ARHGEF6: variants seen among roughly 807,000 people sequenced by gnomAD.
The protein encoded by ARHGEF6 is Rac/Cdc42 guanine nucleotide exchange factor 6.
ARHGEF6 carries 9 observed loss-of-function variants against 70.3 expected under a neutral mutation model. The ratio of observed to expected loss-of-function variants is 0.13; its 90% CI spans 0.08 to 0.22. The LOEUF is 0.22. Ranked by LOEUF, ARHGEF6 falls within the 10% of genes least tolerant of loss-of-function variation. The probability of loss-of-function intolerance (pLI) is 1.00; values close to 1 mark genes in which losing one functional copy is unlikely to be tolerated. For synonymous variants in ARHGEF6, 201 were observed against 207.8 expected (o/e 0.97, Z 0.28); for missense variants, 470 against 563.0 (o/e 0.83, Z 1.67).
Position 136,667,860 on chromosome X carries a change from G to T in ARHGEF6, c.*169C>A. The T allele has an allele frequency of 3.1e-6, 2 of 643,915 alleles. No homozygotes were observed. Among genetic ancestry groups the T allele is most frequent in the Non-Finnish European group, 4.8e-6 (2 of 415,615 alleles). The allele number at this position is 643,915 out of a possible 1,213,427, so 53.1% of individuals were successfully genotyped here. On this transcript the variant is annotated 3_prime_UTR_variant, in exon 22 of 22. Transcript: ENST00000250617. The stretch of plus-strand genomic sequence containing the variant: ...CAAATGCCCAAGCGCGCACGTGCAC[G>T]CACACACATATGCACACAGCGGGGA...
At chrX:136,689,450 C>G (rs1236548062) in intron 10 of ARHGEF6, among the ~76,000 whole-genome samples, 2 of 112,009 alleles carry the variant, frequency 1.8e-5, no homozygotes, top group Admixed American at 9.4e-5. Context: ...GAAACTGAGG[C>G]CACTCGTTTC....
chrX:136,740,632 C>T (rs989141132), intron 5 of ARHGEF6, among the ~76,000 whole-genome samples: 1 of 110,918 alleles, frequency 9.0e-6, no homozygotes, highest in Non-Finnish European at 1.9e-5. Flanking sequence ...AATGAAGGCC[C>T]CTAAGACCAG....
At chrX:136,702,202 G>T (rs2040167327) in intron 9 of ARHGEF6, among the ~76,000 whole-genome samples, 1 of 111,659 alleles carries the variant, frequency 9.0e-6, no homozygotes, top group African/African-American at 3.3e-5. Context: ...AGTGTTGTTA[G>T]ATTTAGCTGT....
At chrX:136,688,716 T>C (rs767653734) in intron 10 of ARHGEF6, among the ~76,000 whole-genome samples, 30 of 111,748 alleles carry the variant, frequency 2.7e-4, no homozygotes, top group Non-Finnish European at 5.1e-4. Context: ...TCAATCTAAT[T>C]CCATTTCCTA....
At chrX:136,669,864 G>A (rs1490296751) in intron 20 of ARHGEF6, among the ~76,000 whole-genome samples, 1 of 112,192 alleles carries the variant, frequency 8.9e-6, no homozygotes, top group East Asian at 2.8e-4. Flanking sequence ...GCTTTGTTGA[G>A]GGATAATTGA....
intron 4 of ARHGEF6, among the ~76,000 whole-genome samples, 185 bp downstream of exon 4, chrX:136,745,038 C>G (rs765598905): frequency 9.0e-6 from 1 of 111,619 alleles, no homozygotes; most frequent in Non-Finnish European, 1.9e-5. Flanking sequence ...GGATTTTTGC[C>G]CCACCACATG....
At chrX:136,677,346 C>T (rs768546200) in intron 17 of ARHGEF6, among the ~76,000 whole-genome samples, 4 of 111,976 alleles carry the variant, frequency 3.6e-5, no homozygotes, top group African/African-American at 9.7e-5. Context: ...ACTTAACTAT[C>T]CATATATAAA....
chrX:136,773,783 A>G (rs2077380668), intron 2 of ARHGEF6, among the ~76,000 whole-genome samples: 2 of 112,099 alleles, frequency 1.8e-5, no homozygotes, highest in Non-Finnish European at 3.8e-5. Flanking sequence ...TCCCAGAGTT[A>G]TGCAGCCAGT....
At chrX:136,731,464 T>C (rs1208247999) in intron 6 of ARHGEF6, among the ~76,000 whole-genome samples, 1 of 111,849 alleles carries the variant, frequency 8.9e-6, no homozygotes, top group Admixed American at 9.5e-5. Context: ...CTAGGCCAAG[T>C]CTGGAAAGGA....
Position 136,743,681 on chromosome X carries a change from C to T in ARHGEF6, c.565G>A (p.Val189Ile), listed in dbSNP as rs1368379563. The change falls in exon 5 of 22, where the codon GTC becomes ATC. Residue 189 changes from valine to isoleucine, a missense_variant. By Grantham distance (29) the Val-to-Ile change is conservative. This residue lies in a region of ARHGEF6 where 379 missense variants were observed against 449.3 expected (regional missense o/e 0.84). Coordinates refer to ENST00000250617, the MANE Select transcript of ARHGEF6 (RefSeq NM_004840.3). ...LSVCKGDIIY[V>I]TRVEEGGWWE... ...CAGCCTCCTTCTTCAACTCGTGTGACGTAAATGATGTCCCCCTTACAAACT... is the reference window on the plus strand; with the variant it reads ...CAGCCTCCTTCTTCAACTCGTGTGATGTAAATGATGTCCCCCTTACAAACT... The T allele has an allele frequency of 8.3e-7, 1 of 1,211,442 alleles. No homozygotes were observed. The highest frequency in any genetic ancestry group is 3.0e-5 in the East Asian group (1 of 33,844).
chrX:136,712,920 G>A (rs1391208652), intron 7 of ARHGEF6, among the ~76,000 whole-genome samples: 1 of 111,841 alleles, frequency 8.9e-6, no homozygotes, highest in Non-Finnish European at 1.9e-5. Context: ...GTCAGAGTGA[G>A]CATGAGAATT....
chrX:136,753,005 T>C (rs1217153853), intron 2 of ARHGEF6, among the ~76,000 whole-genome samples: 2 of 111,944 alleles, frequency 1.8e-5, no homozygotes, highest in African/African-American at 6.5e-5. Context: ...GTGGTACCGC[T>C]CCTGGCCCTG....
At chrX:136,739,555 G>T (rs2077021755) in intron 5 of ARHGEF6, among the ~76,000 whole-genome samples, 1 of 112,656 alleles carries the variant, frequency 8.9e-6, no homozygotes, top group Non-Finnish European at 1.9e-5. Flanking sequence ...TGCCCTTGTG[G>T]TATTTACAAT....
chrX:136,754,570 G>A (rs1205445184), intron 2 of ARHGEF6, among the ~76,000 whole-genome samples: 8 of 54,243 alleles, frequency 1.5e-4, no homozygotes, highest in East Asian at 5.7e-4. Context: ...GGGCAACAGC[G>A]AAACCCCGCC....
At chrX:136,675,145 C>T (rs779456686) in intron 18 of ARHGEF6, 49 bp from the exon 19 acceptor site, 3 of 1,067,174 alleles carry the variant, frequency 2.8e-6, no homozygotes, top group Non-Finnish European at 3.9e-6. Flanking sequence ...TGCTTTTGGA[C>T]CCTCAAAATG....
At position 136,672,047 on chromosome X, in the gene ARHGEF6, C is replaced by A; in HGVS notation, c.2108G>T (p.Ser703Ile). ...EEKLIIEETR[S>I]NGQTIMEEKS... The stretch of plus-strand genomic sequence containing the variant: ...TTCTTCCATGATGGTCTGGCCGTTG[C>A]TTCTGGTTTCTTCAATGATGAGTTT... The change falls in exon 20 of 22, where the codon AGC becomes ATC. Residue 703 changes from serine (S) to isoleucine (I), a missense_variant. Ser to Ile is a moderately radical substitution (Grantham distance 142). Coordinates refer to ENST00000250617, the MANE Select transcript of ARHGEF6 (RefSeq NM_004840.3). 1 of 1,210,156 alleles carries A rather than the reference C, an allele frequency of 8.3e-7. No homozygotes were observed. The highest frequency in any genetic ancestry group is 1.1e-6 in the Non-Finnish European group (1 of 894,072).
Position 136,668,004 on chromosome X carries a change from A to T in ARHGEF6, c.*25T>A. ...ACATTTCAAGATGCCCTGAAGGCAC[A>T]CTCCACCCAGTGGCACAGTGATGGT... is the stretch of plus-strand genomic sequence containing the variant. On this transcript the variant is annotated 3_prime_UTR_variant, in exon 22 of 22. Transcript: ENST00000250617. 1 of 1,210,361 alleles carries T rather than the reference A, an allele frequency of 8.3e-7. No individual in the cohort carries two copies. Among genetic ancestry groups the T allele is most frequent in the East Asian group, 3.0e-5 (1 of 33,788 alleles).
At chrX:136,757,810 C>T (rs191748379) in intron 2 of ARHGEF6, among the ~76,000 whole-genome samples, 2 of 111,606 alleles carry the variant, frequency 1.8e-5, no homozygotes, top group Non-Finnish European at 3.8e-5. Flanking sequence ...GCCCACAGTG[C>T]CAGGCATGGT....
chrX:136,716,889 A>C (rs946194665), intron 6 of ARHGEF6, among the ~76,000 whole-genome samples: 9 of 112,121 alleles, frequency 8.0e-5, no homozygotes, highest in African/African-American at 2.9e-4. Flanking sequence ...TTTGAGCTTG[A>C]GAATATGTCA....
Sources: gnomAD v4.1 joint callset for allele counts (sites outside exome capture counted in the v4.1 genomes callset) on GRCh38, gnomAD v4.1.1 for gene constraint, gnomAD v4.1.1 regional missense constraint, MANE v1.5 for transcripts, NCBI Gene and HGNC (gene_info 2026-07-23, HGNC 2026-07-21) for gene names.